SOX6: variants seen among roughly 807,000 people sequenced by gnomAD.
The protein encoded by SOX6 is transcription factor SOX-6.
Under a neutral mutation model 97.8 loss-of-function variants are expected in SOX6, and 11 were observed. The observed-to-expected ratio is 0.11, with a 90% confidence interval of 0.07 to 0.19. The LOEUF is 0.19. Among genes scored for constraint, SOX6 ranks in the 10% least tolerant of loss-of-function variants. The pLI is 1.00. For synonymous variants in SOX6, 360 were observed against 371.4 expected (o/e 0.97, Z 0.35); for missense variants, 810 against 1,039.5 (o/e 0.78, Z 3.04).
intron 3 of SOX6, chr11:16,314,321 C>G (rs1321667909): frequency 6.6e-6 from 1 of 152,032 alleles, no homozygotes; most frequent in Non-Finnish European, 1.5e-5. Flanking sequence ...TATATAAATC[C>G]TTTCATTCTC....
intron 2 of SOX6, among the ~76,000 whole-genome samples, chr11:16,320,133 CT>C (rs1855872232): frequency 6.6e-6 from 1 of 152,064 alleles, no homozygotes; most frequent in Admixed American, 6.6e-5. Flanking sequence ...CTTCAGCAGC[CT>C]TGCATTCACC....
chr11:16,016,020 G>A (rs1319889351), intron 12 of SOX6, among the ~76,000 whole-genome samples: 1 of 152,038 alleles, frequency 6.6e-6, no homozygotes, highest in Non-Finnish European at 1.5e-5. Context: ...TTATGCAGCA[G>A]TAGAGTGCTG....
intron 4 of SOX6, chr11:16,484,645 G>A (rs538037388): frequency 9.8e-5 from 63 of 645,754 alleles, no homozygotes; most frequent in East Asian, 3.9e-4. Flanking sequence ...TCCTGGCACC[G>A]TTGCTGAGCA....
At chr11:16,120,251 C>T (rs1301019347) in intron 6 of SOX6, among the ~76,000 whole-genome samples, 1 of 149,700 alleles carries the variant, frequency 6.7e-6, no homozygotes, top group Non-Finnish European at 1.5e-5. Context: ...TCCTCTCTCT[C>T]TCTCTCTCTG....
chr11:16,275,327 G>A (rs1352603127), intron 3 of SOX6, among the ~76,000 whole-genome samples: 3 of 150,712 alleles, frequency 2.0e-5, no homozygotes, highest in African/African-American at 7.3e-5. Context: ...GGTGGCGGGT[G>A]CCTCTAGTCC....
At chr11:16,714,959 T>C (rs1351761184) in intron 2 of SOX6, 1 of 152,074 alleles carries the variant, frequency 6.6e-6, no homozygotes, top group East Asian at 1.9e-4. Context: ...CCTTTCCCAC[T>C]ATAGAAACTA....
intron 2 of SOX6, 138 bp downstream of exon 2, chr11:16,340,874 G>A (rs988075464): frequency 3.3e-6 from 4 of 1,204,718 alleles, no homozygotes; most frequent in African/African-American, 3.1e-5. Context: ...TAGTATCTTA[G>A]TAATATGTAC....
intron 1 of SOX6, among the ~76,000 whole-genome samples, chr11:16,362,974 G>T (rs112506157): frequency 1.3e-5 from 2 of 152,096 alleles, no homozygotes; most frequent in African/African-American, 2.4e-5. Context: ...TAAACACACG[G>T]TTCCAGATAT....
chr11:16,393,889 C>A (rs1858264234), intron 1 of SOX6, among the ~76,000 whole-genome samples: 2 of 151,956 alleles, frequency 1.3e-5, no homozygotes, highest in Non-Finnish European at 2.9e-5. Flanking sequence ...TTAGAAGAAC[C>A]TAACTTACAA....
intron 3 of SOX6, among the ~76,000 whole-genome samples, chr11:16,264,999 C>A (rs1854031712): frequency 6.6e-6 from 1 of 151,764 alleles, no homozygotes; most frequent in African/African-American, 2.4e-5. Flanking sequence ...GAGAGAGTTT[C>A]CAGGCTACAG....
intron 4 of SOX6, among the ~76,000 whole-genome samples, chr11:16,229,948 ACT>A (rs1852800421): frequency 1.3e-5 from 2 of 151,744 alleles, no homozygotes; most frequent in African/African-American, 4.8e-5. Flanking sequence ...AACATGGAAA[ACT>A]CTAATCAATT....
At chr11:16,343,911 C>A (rs1235304170) in intron 1 of SOX6, among the ~76,000 whole-genome samples, 1 of 151,558 alleles carries the variant, frequency 6.6e-6, no homozygotes, top group Non-Finnish European at 1.5e-5. Context: ...CACAAGCTGC[C>A]AAAAAAAGCA....
intron 1 of SOX6, among the ~76,000 whole-genome samples, chr11:16,419,762 T>TGAA (rs1858991918): frequency 2.6e-5 from 4 of 152,066 alleles, no homozygotes; most frequent in African/African-American, 9.7e-5. Context: ...AAACCTCATT[T>TGAA]TCAGAGTCCC....
intron 4 of SOX6, among the ~76,000 whole-genome samples, chr11:16,603,828 A>T (rs549455532): frequency 0.011 from 1,662 of 152,138 alleles, 23 homozygotes; most frequent in African/African-American, 0.038. Context: ...GAAAAGATTA[A>T]AAAAAAATCC....
rs567403239 is a variant in SOX6 at position 16,502,427 on chromosome 11, G to A, written n.610-26039C>T. 1.3e-4 allele frequency among the ~76,000 whole-genome samples: 20 copies of A among 150,744 alleles called. No homozygotes were observed. In the East Asian group the frequency reaches 1.4e-3, roughly 10 times the overall value. ...GTATACATATGTAACAAACGTGCACGTTGTTAACATGTACCCTAAAATTTA... is the reference window on the plus strand; with the variant it reads ...GTATACATATGTAACAAACGTGCACATTGTTAACATGTACCCTAAAATTTA... On this transcript the variant is annotated intron_variant and non_coding_transcript_variant, in intron 4 of 5. Coordinates refer to the SOX6 transcript ENST00000524520.
At chr11:16,132,489 A>AAGC (rs1564972814) in intron 6 of SOX6, among the ~76,000 whole-genome samples, 1 of 131,726 alleles carries the variant, frequency 7.6e-6, no homozygotes. Flanking sequence ...AGAAAGAAAG[A>AAGC]AAGAAAGAAA....
intron 1 of SOX6, among the ~76,000 whole-genome samples, chr11:16,348,640 G>C (rs1352133454): frequency 6.6e-6 from 1 of 151,930 alleles, no homozygotes; most frequent in Non-Finnish European, 1.5e-5. Context: ...CAAGCACAAA[G>C]ACCTACAAAT....
At chr11:16,079,836 T>G (rs1367212463) in intron 9 of SOX6, among the ~76,000 whole-genome samples, 1 of 149,240 alleles carries the variant, frequency 6.7e-6, no homozygotes, top group Non-Finnish European at 1.5e-5. Context: ...AAATATGCCA[T>G]CTGTATCCTA....
intron 4 of SOX6, among the ~76,000 whole-genome samples, chr11:16,570,821 G>A (rs1160062184): frequency 2.0e-5 from 3 of 152,076 alleles, no homozygotes; most frequent in Non-Finnish European, 4.4e-5. Context: ...TAAACTATAT[G>A]TACCCTGTTT....
Sources: gnomAD v4.1 joint callset for allele counts (sites outside exome capture counted in the v4.1 genomes callset) on GRCh38, gnomAD v4.1.1 for gene constraint, MANE v1.5 for transcripts, NCBI Gene and HGNC (gene_info 2026-07-23, HGNC 2026-07-21) for gene names.